CSF2RA: variants seen among roughly 807,000 people sequenced by gnomAD.
CSF2RA encodes the protein colony stimulating factor 2 receptor subunit alpha.
In CSF2RA, 42 loss-of-function variants were observed where a neutral mutation model predicts 51.6. That is an observed-to-expected ratio of 0.81 (90% CI 0.64 to 1.05). The LOEUF (loss-of-function observed/expected upper bound fraction) is 1.05. Ranked by LOEUF, CSF2RA falls within the 50% of genes least tolerant of loss-of-function variation. The pLI is 0.00. For missense variants in CSF2RA, 530 were observed against 501.1 expected, an observed-to-expected ratio of 1.06 and a Z score of -0.55; for synonymous variants, 222 against 193.0, an observed-to-expected ratio of 1.15 and a Z score of -1.24.
chrX:1,318,939 T>C, the CSF2RA span, among the ~76,000 whole-genome samples: 1 of 151,114 alleles, frequency 6.6e-6, no homozygotes, highest in Non-Finnish European at 1.5e-5. Context: ...GAAAGAAAAT[T>C]GCAAAGCTTC....
intron 7 of CSF2RA, 51 bp from the exon 8 acceptor site, chrX:1,294,277 T>C: frequency 6.2e-7 from 1 of 1,610,896 alleles, no homozygotes; most frequent in Non-Finnish European, 8.5e-7. Context: ...CTGGACCCAG[T>C]GTAGACAGGA....
At chrX:1,317,161 G>A in the CSF2RA span, among the ~76,000 whole-genome samples, 19 of 150,900 alleles carry the variant, frequency 1.3e-4, no homozygotes, top group South Asian at 1.5e-3. Context: ...TGTTAGCCAG[G>A]ATGGTCTCGA....
rs1417054639 is a variant in CSF2RA at position 1,300,377 on chromosome X, G to T, written c.811-114G>T. 2.5e-5 allele frequency: 33 copies of T among 1,341,474 alleles called. 1 individual carries two copies. In the South Asian group the frequency reaches 4.2e-4, roughly 17 times the overall value. The allele number at this position is 1,341,474 out of a possible 1,614,324, so 83.1% of individuals were successfully genotyped here. A position where few individuals can be genotyped will look rare whatever the true frequency, so the allele number is the denominator to read the frequency against. On this transcript the variant is annotated intron_variant, in intron 9 of 12. Transcript: ENST00000381529. ...ATTCAGAGTGGTAGAAAAAAAAGAA[G>T]AAAAAGAAAAAAAGAAAAGGAGAAA...
chrX:1,278,277 G>A (rs762803104), intron 2 of CSF2RA, among the ~76,000 whole-genome samples: 1 of 149,976 alleles, frequency 6.7e-6, no homozygotes, highest in South Asian at 2.1e-4. Context: ...AGGTTGCAGT[G>A]AGCCAAGATG....
chrX:1,302,077 C>T (rs865810489), intron 10 of CSF2RA, among the ~76,000 whole-genome samples: 1 of 150,996 alleles, frequency 6.6e-6, no homozygotes, highest in African/African-American at 2.4e-5. Flanking sequence ...CCACCACACC[C>T]GGCTAATTTT....
the CSF2RA span, among the ~76,000 whole-genome samples, chrX:1,324,381 G>C: frequency 5.0e-5 from 7 of 139,554 alleles, no homozygotes; most frequent in African/African-American, 1.9e-4. Context: ...GAAAGAGAAA[G>C]AAAGAAGGAA....
At chrX:1,297,588 C>T (rs1199285172) in intron 9 of CSF2RA, among the ~76,000 whole-genome samples, 26 of 49,948 alleles carry the variant, frequency 5.2e-4, no homozygotes, top group East Asian at 2.0e-3. Flanking sequence ...AGTCTCCTAC[C>T]CATGACCCCT....
At chrX:1,318,968 G>C in the CSF2RA span, among the ~76,000 whole-genome samples, 24 of 150,270 alleles carry the variant, frequency 1.6e-4, no homozygotes, top group African/African-American at 4.1e-4. Flanking sequence ...CCCTGGTGAT[G>C]ATGATCCTTT....
intron 3 of CSF2RA, among the ~76,000 whole-genome samples, chrX:1,283,413 CCT>C (rs768694200): frequency 1.2e-4 from 18 of 147,240 alleles, no homozygotes; most frequent in Admixed American, 2.8e-4. Flanking sequence ...TCCCTCCTTC[CCT>C]CTCTCTCTTT....
chrX:1,280,860 C>CTCA (rs1293180958), intron 2 of CSF2RA, among the ~76,000 whole-genome samples: 7 of 146,314 alleles, frequency 4.8e-5, no homozygotes, highest in Non-Finnish European at 7.5e-5. Context: ...CCTTCTCCTC[C>CTCA]TCCTCCTCCT....
At chrX:1,320,546 G>A in the CSF2RA span, among the ~76,000 whole-genome samples, 6 of 146,320 alleles carry the variant, frequency 4.1e-5, no homozygotes, top group Admixed American at 6.9e-5. Flanking sequence ...CACCCAGGCC[G>A]GAGTGCCATG....
chrX:1,314,811 C>CCGCACTGCACTTG (rs2084453887), downstream of CSF2RA, among the ~76,000 whole-genome samples: 1 of 87,462 alleles, frequency 1.1e-5, no homozygotes, highest in African/African-American at 4.2e-5. Flanking sequence ...ACCTGCCCAA[C>CCGCACTGCACTTG]CCCACTGTGC....
chrX:1,320,180 C>G, the CSF2RA span, among the ~76,000 whole-genome samples: 1 of 152,056 alleles, frequency 6.6e-6, no homozygotes, highest in Non-Finnish European at 1.5e-5. Flanking sequence ...CAGGCATGAG[C>G]CACTGCGCCC....
At chrX:1,279,627 G>C (rs771938594) in intron 2 of CSF2RA, among the ~76,000 whole-genome samples, 2 of 152,054 alleles carry the variant, frequency 1.3e-5, no homozygotes, top group East Asian at 3.9e-4. Context: ...ACAGTCCAGT[G>C]GGGGAAGCGG....
chrX:1,317,358 T>C, the CSF2RA span, among the ~76,000 whole-genome samples: 1 of 140,936 alleles, frequency 7.1e-6, no homozygotes. Context: ...TTCCAGCGAT[T>C]CTCCCGCCTC....
In CSF2RA at chrX:1,294,354, A is replaced by G; in HGVS notation, c.673A>G (p.Thr225Ala). The G allele has an allele frequency of 6.2e-7, 1 of 1,613,490 alleles. No homozygotes were observed. The highest frequency in any genetic ancestry group is 8.5e-7 in the Non-Finnish European group (1 of 1,179,686). ...ACGATTCAACCCTCCCAGCAATGTC[A>G]CCGTACGTTGCAACACGACGCACTG... Reference protein sequence around the residue: ...IERFNPPSNVTVRCNTTHCLV... With the variant: ...IERFNPPSNVAVRCNTTHCLV... The change falls in exon 8 of 13, where the codon ACC becomes GCC. Residue 225 changes from threonine to alanine, a missense_variant. By Grantham distance (58) the Thr-to-Ala change is moderately conservative. Coordinates refer to ENST00000381529, the MANE Select transcript of CSF2RA (RefSeq NM_172245.4).
At chrX:1,323,941 G>C in the CSF2RA span, among the ~76,000 whole-genome samples, 1 of 152,024 alleles carries the variant, frequency 6.6e-6, no homozygotes, top group South Asian at 2.1e-4. Flanking sequence ...GTGAACCCGG[G>C]AGGCCGAGGT....
intron 3 of CSF2RA, among the ~76,000 whole-genome samples, chrX:1,284,127 G>C (rs2090356980): frequency 6.7e-6 from 1 of 149,972 alleles, no homozygotes; most frequent in Non-Finnish European, 1.5e-5. Context: ...AGTGTGTTCA[G>C]AGCCACATCA....
chrX:1,278,257 T>C lies in CSF2RA; in HGVS notation c.-27+3439T>C, dbSNP rs1396938633. 9.4e-5 allele frequency among the ~76,000 whole-genome samples: 14 copies of C among 149,162 alleles called. 1 individual carries two copies. Among genetic ancestry groups the C allele is most frequent in the African/African-American group, 3.5e-4 (14 of 40,312 alleles). On this transcript the variant is annotated intron_variant, in intron 2 of 12. Transcript: ENST00000381529. Reference sequence around the variant, plus strand: ...CTGAGGCAGTAGAATTGCTTCAACTTGGGAGACGGAGGTTGCAGTGAGCCA... The same window carrying C: ...CTGAGGCAGTAGAATTGCTTCAACTCGGGAGACGGAGGTTGCAGTGAGCCA...
Sources: allele counts gnomAD v4.1 joint callset (sites outside exome capture counted in the v4.1 genomes callset), GRCh38; gene constraint gnomAD v4.1.1; transcripts MANE v1.5; gene names NCBI Gene and HGNC (gene_info 2026-07-23, HGNC 2026-07-21).